SV2B: variants seen among roughly 807,000 people sequenced by gnomAD.
SV2B encodes solute carrier family 22 member B2.
A neutral mutation model predicts 73.9 loss-of-function variants in SV2B; 41 were observed. That is an observed-to-expected ratio of 0.56 (90% CI 0.43 to 0.72). SV2B has a LOEUF of 0.72. Ranked by LOEUF, SV2B falls within the 30% of genes least tolerant of loss-of-function variation. The pLI, the probability that SV2B is intolerant of heterozygous loss-of-function variation, is 0.00. For missense variants in SV2B, 764 were observed against 857.8 expected (o/e 0.89, Z 1.37); for synonymous variants, 314 against 314.2 (o/e 1.00, Z 0.01).
At chr15:91,101,489 CA>C (rs1289622402) in intron 1 of SV2B, among the ~76,000 whole-genome samples, 10 of 152,204 alleles carry the variant, frequency 6.6e-5, no homozygotes, top group Admixed American at 1.3e-4. Flanking sequence ...ATGATGATAA[CA>C]ATGTCCTGGC....
In SV2B at chr15:91,298,201, C is replaced by A. The variant is rs577847585; in HGVS notation, c.*5649C>A. The A allele has an allele frequency of 1.3e-5, 2 of 152,174 alleles. No individual in the cohort carries two copies. Among genetic ancestry groups the A allele is most frequent in the Non-Finnish European group, 2.9e-5 (2 of 68,034 alleles). 9.4% of individuals were successfully genotyped at this position (152,174 alleles called of 1,614,324 possible). A position where few individuals can be genotyped will look rare whatever the true frequency, so the allele number is the denominator to read the frequency against. On this transcript the variant is annotated 3_prime_UTR_variant, in exon 13 of 13. Coordinates refer to ENST00000394232, the MANE Select transcript of SV2B (RefSeq NM_001323032.3). This position sits in a 1 kb window ranked among gnomAD's most constrained non-coding sequence, Gnocchi z 5.4. ...CAAATTTCTCTACATAGATCTCATT[C>A]GAAAACAAATTTACAGAATGCAGAA...
At chr15:91,142,217 C>T (rs936453507) in intron 1 of SV2B, among the ~76,000 whole-genome samples, 1 of 152,194 alleles carries the variant, frequency 6.6e-6, no homozygotes, top group African/African-American at 2.4e-5. Flanking sequence ...CATCCCTCCC[C>T]TGTCTCCTCT....
intron 1 of SV2B, among the ~76,000 whole-genome samples, chr15:91,126,680 C>T (rs1023274929): frequency 6.6e-6 from 1 of 152,084 alleles, no homozygotes; most frequent in East Asian, 1.9e-4. Context: ...GCATTTATCC[C>T]AAGAATGCAA....
intron 1 of SV2B, among the ~76,000 whole-genome samples, chr15:91,201,326 T>C (rs1199118884): frequency 6.6e-6 from 1 of 152,226 alleles, no homozygotes; most frequent in South Asian, 2.1e-4. Flanking sequence ...CTGTTCTAGA[T>C]ACTTTTACAT....
rs1291120231 is a variant in SV2B at position 91,105,922 on chromosome 15, G to A, written c.-392+5559G>A. Reference sequence around the variant, plus strand: ...AAATTAGCCAGGTGTGGTGGCACATGCCTGTAGCCCTAGCTACTCGGGAGT... The same window carrying A: ...AAATTAGCCAGGTGTGGTGGCACATACCTGTAGCCCTAGCTACTCGGGAGT... On this transcript the variant is annotated intron_variant, in intron 1 of 12. Transcript: ENST00000394232. This position sits in a 1 kb window ranked among gnomAD's most constrained non-coding sequence, Gnocchi z 5.5. Among the ~76,000 whole-genome samples, 1 of 152,184 alleles carries A rather than the reference G, an allele frequency of 6.6e-6. No individual in the cohort carries two copies. The highest frequency in any genetic ancestry group is 1.5e-5 in the Non-Finnish European group (1 of 68,036).
intron 1 of SV2B, among the ~76,000 whole-genome samples, chr15:91,190,339 T>TTG (rs1266391067): frequency 2.0e-5 from 3 of 151,940 alleles, no homozygotes; most frequent in South Asian, 2.1e-4. Context: ...GTTTTCTTTT[T>TTG]TTTTCCTTTA....
In SV2B at chr15:91,253,191, A is replaced by G. The variant is rs943895592; in HGVS notation, c.784+671A>G. Reference sequence around the variant, plus strand: ...GTCAAGAGCAAAGTAGGGAGAAGGCAGCAATTTTGACTTTGATTCTGCTTT... The same window carrying G: ...GTCAAGAGCAAAGTAGGGAGAAGGCGGCAATTTTGACTTTGATTCTGCTTT... On this transcript the variant is annotated intron_variant, in intron 4 of 12. Transcript: ENST00000394232. This position sits in a 1 kb window ranked among gnomAD's most constrained non-coding sequence, Gnocchi z 5.0. Among the ~76,000 whole-genome samples the G allele has an allele frequency of 6.6e-6, 1 of 152,238 alleles. No individual in the cohort carries two copies. The highest frequency in any genetic ancestry group is 1.9e-4 in the East Asian group (1 of 5,202).
At chr15:91,168,673 A>G (rs1357180808) in intron 1 of SV2B, among the ~76,000 whole-genome samples, 1 of 152,180 alleles carries the variant, frequency 6.6e-6, no homozygotes, top group Non-Finnish European at 1.5e-5. Context: ...AAAAAAAATT[A>G]AACCAGGAAA....
rs576365255 is a variant in SV2B, at chr15:91,292,897, G to C, written c.*345G>C. 3.5e-5 allele frequency: 6 copies of C among 173,096 alleles called. No homozygotes were observed. The East Asian group carries it at 9.3e-4, about 27-fold the overall frequency. The allele number at this position is 173,096 out of a possible 1,614,324, so 10.7% of individuals were successfully genotyped here. The stretch of plus-strand genomic sequence containing the variant: ...CAAGGACTTAACTTGCGTTTGAAAA[G>C]GAATTAGAGGGTCAGAAACACCCAG... On this transcript the variant is annotated 3_prime_UTR_variant, in exon 13 of 13. Coordinates refer to ENST00000394232, the MANE Select transcript of SV2B (RefSeq NM_001323032.3).
At position 91,298,565 on chromosome 15, in the gene SV2B, G is replaced by T. The variant is rs2049330162; in HGVS notation, c.*6013G>T. The T allele has an allele frequency of 6.6e-6, 1 of 152,202 alleles. No homozygotes were observed. Among genetic ancestry groups the T allele is most frequent in the Non-Finnish European group, 1.5e-5 (1 of 68,044 alleles). 9.4% of individuals were successfully genotyped at this position (152,202 alleles called of 1,614,324 possible). ...TTATAGTCATTGCTAATTACAGAAT[G>T]AGCAAGAGATTTATTTAGCAGGACC... On this transcript the variant is annotated 3_prime_UTR_variant, in exon 13 of 13. Coordinates refer to ENST00000394232, the MANE Select transcript of SV2B (RefSeq NM_001323032.3). The surrounding 1 kb of genome is among the most constrained non-coding windows in gnomAD (Gnocchi z 5.4).
intron 1 of SV2B, among the ~76,000 whole-genome samples, chr15:91,126,977 A>T (rs893731025): frequency 1.1e-4 from 16 of 152,242 alleles, no homozygotes; most frequent in African/African-American, 2.9e-4. Flanking sequence ...CCACTTCAAC[A>T]TTATAGGACA....
Position 91,261,078 on chromosome 15 carries a change from T to C in SV2B, c.1008+669T>C, listed in dbSNP as rs1381565841. 6.6e-6 allele frequency among the ~76,000 whole-genome samples: 1 copy of C among 152,064 alleles called. No individual in the cohort carries two copies. The highest frequency in any genetic ancestry group is 1.9e-4 in the East Asian group (1 of 5,172). On this transcript the variant is annotated intron_variant, in intron 6 of 12. Transcript: ENST00000394232. The surrounding 1 kb of genome is among the most constrained non-coding windows in gnomAD (Gnocchi z 4.7). ...GGGTTCAAGACCAGCCTGGCCAACA[T>C]GGCAAAACCCCATGTCTACTAAAAA...
intron 1 of SV2B, among the ~76,000 whole-genome samples, chr15:91,151,709 A>G (rs533387808): frequency 6.6e-6 from 1 of 152,224 alleles, no homozygotes; most frequent in South Asian, 2.1e-4. Flanking sequence ...GACAAGGTTA[A>G]GGTAAATGTG....
chr15:91,196,647 C>G (rs1382536003), intron 1 of SV2B, among the ~76,000 whole-genome samples: 1 of 152,164 alleles, frequency 6.6e-6, no homozygotes, highest in Admixed American at 6.5e-5. Flanking sequence ...GTGGATTCAG[C>G]ACATAATGCC....
At chr15:91,254,022 C>G (rs1413592575) in intron 4 of SV2B, among the ~76,000 whole-genome samples, 1 of 152,166 alleles carries the variant, frequency 6.6e-6, no homozygotes, top group African/African-American at 2.4e-5. Context: ...ATTTTAGATA[C>G]AAAATTGTAT....
chr15:91,202,821 T>C (rs750289196), intron 1 of SV2B, among the ~76,000 whole-genome samples: 15 of 152,158 alleles, frequency 9.9e-5, no homozygotes, highest in Non-Finnish European at 1.6e-4. Context: ...CTGGCCTTTT[T>C]ATCCCCACAG....
chr15:91,300,196 A>G lies in SV2B; in HGVS notation c.*7644A>G, dbSNP rs1033686025. The G allele has an allele frequency of 6.6e-6, 1 of 152,222 alleles. No homozygotes were observed. Among genetic ancestry groups the G allele is most frequent in the African/African-American group, 2.4e-5 (1 of 41,452 alleles). The allele number at this position is 152,222 out of a possible 1,614,324, so 9.4% of individuals were successfully genotyped here. On this transcript the variant is annotated 3_prime_UTR_variant, in exon 13 of 13. Coordinates refer to ENST00000394232, the MANE Select transcript of SV2B (RefSeq NM_001323032.3). ...CCACATTTCAAATGGGCCAAACATT[A>G]AAATAACTTATCCATGAATTTCAGG...
intron 1 of SV2B, among the ~76,000 whole-genome samples, chr15:91,191,152 G>A (rs1596551992): frequency 2.1e-5 from 3 of 143,414 alleles, no homozygotes; most frequent in Non-Finnish European, 4.5e-5. Context: ...TGCAACCTCC[G>A]CCTCCCGGGT....
At chr15:91,179,424 C>T (rs2044459858) in intron 1 of SV2B, among the ~76,000 whole-genome samples, 1 of 152,134 alleles carries the variant, frequency 6.6e-6, no homozygotes, top group African/African-American at 2.4e-5. Context: ...TGGTGCAGAG[C>T]TGAGTTCAAT....
Sources: allele counts gnomAD v4.1 joint callset (sites outside exome capture counted in the v4.1 genomes callset), GRCh38; gene constraint gnomAD v4.1.1; non-coding constraint Gnocchi (gnomAD v3.1); transcripts MANE v1.5; gene names NCBI Gene and HGNC (gene_info 2026-07-23, HGNC 2026-07-21).